The following RIPOR2 variants were observed in gnomAD, a reference collection of about 807,000 sequenced individuals.
The protein encoded by RIPOR2 is rho family-interacting cell polarization regulator 2.
RIPOR2 carries 39 observed loss-of-function variants against 114.5 expected under a neutral mutation model. That is an observed-to-expected ratio of 0.34 (90% CI 0.26 to 0.44). The LOEUF (loss-of-function observed/expected upper bound fraction) is 0.44. RIPOR2 is among the 20% of genes least tolerant of loss of function. The pLI is 1.00. For missense variants in RIPOR2, 1,007 were observed against 1,255.1 expected, an observed-to-expected ratio of 0.80 and a Z score of 2.99; for synonymous variants, 445 against 484.4, an observed-to-expected ratio of 0.92 and a Z score of 1.07.
At chr6:24,887,901 C>T (rs771884658) in intron 1 of RIPOR2, among the ~76,000 whole-genome samples, 61 of 152,138 alleles carry the variant, frequency 4.0e-4, no homozygotes, top group East Asian at 1.9e-4. Context: ...GCATAAAACT[C>T]GCCTAAGTCT....
chr6:24,857,538 C>T (rs1457806023), intron 8 of RIPOR2, among the ~76,000 whole-genome samples: 1 of 152,154 alleles, frequency 6.6e-6, no homozygotes, highest in Non-Finnish European at 1.5e-5. Flanking sequence ...GCCAGAAGAA[C>T]GCTCTACATC....
chr6:25,020,790 A>C (rs1315637666), intron 1 of RIPOR2, among the ~76,000 whole-genome samples: 1 of 152,248 alleles, frequency 6.6e-6, no homozygotes, highest in Non-Finnish European at 1.5e-5. Flanking sequence ...AACTTTTAAC[A>C]TGCTATTATA....
intron 1 of RIPOR2, among the ~76,000 whole-genome samples, chr6:25,019,774 C>CAAAAAAAAA (rs34107737): frequency 2.9e-3 from 151 of 52,958 alleles, no homozygotes; most frequent in Middle Eastern, 0.016. Context: ...GACTCTGTCT[C>CAAAAAAAAA]AAAAAAAAAA....
chr6:24,936,258 T>C (rs1771802336), upstream of RIPOR2, among the ~76,000 whole-genome samples: 2 of 152,370 alleles, frequency 1.3e-5, no homozygotes, highest in African/African-American at 4.8e-5. Context: ...ACTTTCTTGC[T>C]TATGAATTTG....
At chr6:24,944,010 C>A (rs548172976) in intron 1 of RIPOR2, among the ~76,000 whole-genome samples, 1 of 152,112 alleles carries the variant, frequency 6.6e-6, no homozygotes, top group African/African-American at 2.4e-5. Context: ...GAGTTAGGGG[C>A]AAACAATAGG....
At chr6:24,932,968 G>GCATTCTC (rs1771518159) in intron 1 of RIPOR2, among the ~76,000 whole-genome samples, 1 of 152,098 alleles carries the variant, frequency 6.6e-6, no homozygotes, top group Non-Finnish European at 1.5e-5. Context: ...CAGAGAATGT[G>GCATTCTC]TAATCAGTCC....
At chr6:25,023,091 G>A (rs1403239177) in intron 1 of RIPOR2, among the ~76,000 whole-genome samples, 2 of 151,944 alleles carry the variant, frequency 1.3e-5, no homozygotes, top group Admixed American at 6.6e-5. Context: ...ACGTTTGCAG[G>A]CTTCAGGGGA....
In RIPOR2 at chr6:25,030,331, G is replaced by GT. The variant is rs562937010; in HGVS notation, c.76+11519_76+11520insA. 2.3e-4 allele frequency among the ~76,000 whole-genome samples: 35 copies of GT among 152,228 alleles called. No homozygotes were observed. In the East Asian group the frequency reaches 6.0e-3, roughly 26 times the overall value. The stretch of plus-strand genomic sequence containing the variant: ...GATGATATTCCCAGGGTACACATGA[G>GT]GTGGAGTGGGATTCAGAGGGTTCAG... On this transcript the variant is annotated intron_variant, in intron 1 of 13. Transcript: ENST00000510784.
chr6:24,886,434 C>G (rs1030884478), intron 1 of RIPOR2, among the ~76,000 whole-genome samples: 1 of 152,168 alleles, frequency 6.6e-6, no homozygotes, highest in Admixed American at 6.5e-5. Context: ...TGTATTGTCC[C>G]TCCTCCCCAC....
At chr6:24,936,063 C>A, upstream of RIPOR2, 1 of 587,316 alleles carries the variant, frequency 1.7e-6, no homozygotes. Context: ...GAATAGGCTT[C>A]TTGAGCCTTG....
At chr6:24,898,955 T>G (rs553671224) in intron 1 of RIPOR2, among the ~76,000 whole-genome samples, 11 of 151,672 alleles carry the variant, frequency 7.3e-5, no homozygotes, top group Admixed American at 3.9e-4. Context: ...GAGTAGTTTT[T>G]TTTTTTTTTT....
intron 1 of RIPOR2, among the ~76,000 whole-genome samples, chr6:24,926,875 A>G (rs1033372150): frequency 6.6e-6 from 1 of 151,834 alleles, no homozygotes; most frequent in Non-Finnish European, 1.5e-5. Flanking sequence ...CAGCAGCAGC[A>G]TCATCAGCAT....
Position 24,810,518 on chromosome 6 carries a change from A to C in RIPOR2, c.2953-711T>G, listed in dbSNP as rs768126415. ...TTTGTTCCACAAATATTTATTGAGC[A>C]CTCCATGAACCAGACTATTCATAAG... On this transcript the variant is annotated intron_variant, in intron 20 of 21. Coordinates refer to ENST00000643898, the MANE Select transcript of RIPOR2 (RefSeq NM_001286445.3). 3.3e-4 allele frequency among the ~76,000 whole-genome samples: 50 copies of C among 152,156 alleles called. 1 individual carries two copies. Among genetic ancestry groups the C allele is most frequent in the Admixed American group, 1.3e-3 (20 of 15,270 alleles).
intron 1 of RIPOR2, among the ~76,000 whole-genome samples, chr6:25,032,809 A>G (rs1383059319): frequency 1.8e-4 from 27 of 152,238 alleles, no homozygotes. Context: ...ACAAGCTTTC[A>G]TTTGGATTTG....
At chr6:24,932,071 T>A (rs986568367) in intron 1 of RIPOR2, 2 of 152,182 alleles carry the variant, frequency 1.3e-5, no homozygotes, top group African/African-American at 2.4e-5. Context: ...TTATTACCCA[T>A]CCAGTTATTT....
chr6:24,916,025 A>C (rs1581791186), intron 1 of RIPOR2, among the ~76,000 whole-genome samples: 1 of 152,240 alleles, frequency 6.6e-6, no homozygotes, highest in South Asian at 2.1e-4. Flanking sequence ...TAGTGTTGCC[A>C]GTAGAGAACT....
exon 1 of RIPOR2, chr6:25,041,903 G>C: frequency 1.4e-6 from 1 of 702,910 alleles, no homozygotes; most frequent in South Asian, 1.5e-5. Flanking sequence ...TTCTGATCCA[G>C]TGTAATCGCG....
chr6:24,958,523 TA>T (rs1198896923), intron 1 of RIPOR2, among the ~76,000 whole-genome samples: 1 of 152,192 alleles, frequency 6.6e-6, no homozygotes, highest in East Asian at 1.9e-4. Context: ...AGGGGGAGAA[TA>T]AACACTTAGA....
chr6:24,964,003 T>C (rs674772), intron 1 of RIPOR2, among the ~76,000 whole-genome samples: 125,287 of 152,118 alleles, frequency 0.82, 54,358 homozygotes, highest in East Asian at 0.96. Flanking sequence ...CCCCTCCTCC[T>C]GCCTCCGCCT....
Sources: gnomAD v4.1 joint callset for allele counts (sites outside exome capture counted in the v4.1 genomes callset) on GRCh38, gnomAD v4.1.1 for gene constraint, MANE v1.5 for transcripts, NCBI Gene and HGNC (gene_info 2026-07-23, HGNC 2026-07-21) for gene names.